Variants in CCDC91 observed in about 807,000 individuals in gnomAD.
CCDC91 encodes the protein coiled-coil domain containing 91, also known as coiled-coil domain-containing protein 91.
In CCDC91, 48 loss-of-function variants were observed where a neutral mutation model predicts 63.2. The observed-to-expected ratio is 0.76, with a 90% CI of 0.60 to 0.97. CCDC91 has a LOEUF of 0.97. CCDC91 is among the 50% of genes least tolerant of loss of function. The pLI, the probability that CCDC91 is intolerant of heterozygous loss-of-function variation, is 0.00. For missense variants in CCDC91, 500 were observed against 494.6 expected (o/e 1.01, Z -0.10); for synonymous variants, 167 against 165.8 (o/e 1.01, Z -0.06).
intron 11 of CCDC91, among the ~76,000 whole-genome samples, chr12:28,458,380 C>A (rs1032166408): frequency 1.4e-5 from 2 of 139,098 alleles, no homozygotes; most frequent in Non-Finnish European, 3.1e-5. Context: ...GTCTGTAATA[C>A]AACATCTGCC....
rs560752227 is a variant in CCDC91 at position 28,503,577 on chromosome 12, A to G, written c.1215+19412A>G. On this transcript the variant is annotated intron_variant, in intron 12 of 12. Coordinates refer to ENST00000536442, the MANE Select transcript of CCDC91 (RefSeq NM_018318.5). ...AATTACCATTTGACCCAGCAATCCCATCACTGGGTATATACCCAAAGGACT... is the reference window on the plus strand; with the variant it reads ...AATTACCATTTGACCCAGCAATCCCGTCACTGGGTATATACCCAAAGGACT... Among the ~76,000 whole-genome samples the G allele has an allele frequency of 1.2e-4, 18 of 152,316 alleles. 1 individual carries two copies. In the South Asian group the frequency reaches 3.1e-3, roughly 26 times the overall value.
At chr12:28,503,978 T>G (rs1368252307) in intron 12 of CCDC91, among the ~76,000 whole-genome samples, 1 of 151,896 alleles carries the variant, frequency 6.6e-6, no homozygotes, top group Admixed American at 6.6e-5. Context: ...GAGATATACC[T>G]AATGCTAAAT....
At chr12:28,398,586 G>A (rs1233729117) in intron 8 of CCDC91, among the ~76,000 whole-genome samples, 3 of 152,028 alleles carry the variant, frequency 2.0e-5, no homozygotes, top group Non-Finnish European at 4.4e-5. Flanking sequence ...AAAACCAACT[G>A]CCAAAATTTT....
intron 8 of CCDC91, among the ~76,000 whole-genome samples, chr12:28,416,040 C>A (rs761504468): frequency 6.6e-6 from 1 of 151,466 alleles, no homozygotes; most frequent in Non-Finnish European, 1.5e-5. Flanking sequence ...TGGCTCTTAG[C>A]GTTTTTTGTT....
intron 3 of CCDC91, among the ~76,000 whole-genome samples, chr12:28,286,485 T>G (rs1336038714): frequency 6.6e-6 from 1 of 152,180 alleles, no homozygotes; most frequent in Non-Finnish European, 1.5e-5. Context: ...TGTATTAGTT[T>G]GCTAAGGGTA....
chr12:28,443,507 T>C (rs9669509), intron 8 of CCDC91, among the ~76,000 whole-genome samples: 33,050 of 152,000 alleles, frequency 0.22, 4,327 homozygotes, highest in Non-Finnish European at 0.3. Context: ...TTGTTTATTC[T>C]ATAAATACAC....
intron 1 of CCDC91, among the ~76,000 whole-genome samples, chr12:28,213,055 C>G (rs986741677): frequency 2.6e-5 from 4 of 152,156 alleles, no homozygotes; most frequent in African/African-American, 9.7e-5. Flanking sequence ...CCTGATGAAG[C>G]TGGGGACTTT....
intron 12 of CCDC91, among the ~76,000 whole-genome samples, chr12:28,523,335 T>C (rs564752236): frequency 9.2e-5 from 14 of 152,314 alleles, no homozygotes; most frequent in African/African-American, 2.9e-4. Context: ...GTAATGGCCT[T>C]CTTTGTCTCT....
At position 28,250,154 on chromosome 12, in the gene CCDC91, G is replaced by A. The variant is rs142365924; in HGVS notation, c.-14-7048G>A. Among the ~76,000 whole-genome samples the A allele has an allele frequency of 4.1e-4, 62 of 152,206 alleles. 1 individual carries two copies. Among genetic ancestry groups the A allele is most frequent in the Admixed American group, 3.1e-3 (47 of 15,290 alleles). ...AAAGAGGGTGAGGGTAGATATAAGG[G>A]TTTGGAGAGTAAATGTCTTGTAGTT... On this transcript the variant is annotated intron_variant, in intron 1 of 12. Transcript: ENST00000536442.
At chr12:28,465,279 AAGG>A (rs1950497822) in intron 11 of CCDC91, among the ~76,000 whole-genome samples, 1 of 152,160 alleles carries the variant, frequency 6.6e-6, no homozygotes, top group African/African-American at 2.4e-5. Context: ...CCTGAGGCCT[AAGG>A]GAACTCACTG....
chr12:28,434,705 A>G (rs1379119955), intron 8 of CCDC91, among the ~76,000 whole-genome samples: 5 of 148,996 alleles, frequency 3.4e-5, no homozygotes, highest in Admixed American at 2.0e-4. Flanking sequence ...ATTATATTGA[A>G]TTAGTATAAT....
At chr12:28,480,605 T>C (rs1427282831) in intron 11 of CCDC91, among the ~76,000 whole-genome samples, 1 of 152,058 alleles carries the variant, frequency 6.6e-6, no homozygotes. Context: ...TTTGCACCTC[T>C]AGTTTATCAC....
intron 8 of CCDC91, among the ~76,000 whole-genome samples, chr12:28,437,405 T>G (rs1206051219): frequency 6.6e-6 from 1 of 152,088 alleles, no homozygotes; most frequent in Non-Finnish European, 1.5e-5. Flanking sequence ...TTTATTCCTT[T>G]GTATTACATG....
At chr12:28,294,161 G>A (rs1949409062) in intron 3 of CCDC91, among the ~76,000 whole-genome samples, 1 of 152,176 alleles carries the variant, frequency 6.6e-6, no homozygotes, top group African/African-American at 2.4e-5. Context: ...GACGAAATAA[G>A]TTGACACACA....
chr12:28,194,299 G>T (rs1941548010), intron 1 of CCDC91, among the ~76,000 whole-genome samples: 1 of 152,096 alleles, frequency 6.6e-6, no homozygotes, highest in East Asian at 1.9e-4. Flanking sequence ...CAGTCTTGCA[G>T]CACCATCTCT....
intron 11 of CCDC91, among the ~76,000 whole-genome samples, chr12:28,460,352 C>A (rs1444172614): frequency 6.6e-6 from 1 of 151,906 alleles, no homozygotes; most frequent in African/African-American, 2.4e-5. Flanking sequence ...TCAATTTGTG[C>A]TGAATTTTCT....
intron 1 of CCDC91, among the ~76,000 whole-genome samples, chr12:28,250,766 A>G (rs1230782972): frequency 6.6e-6 from 1 of 152,072 alleles, no homozygotes; most frequent in Non-Finnish European, 1.5e-5. Context: ...GCTCAGTTCA[A>G]TTGCTGGAGG....
chr12:28,509,682 A>G (rs1186889608), intron 12 of CCDC91, among the ~76,000 whole-genome samples: 1 of 151,926 alleles, frequency 6.6e-6, no homozygotes, highest in African/African-American at 2.4e-5. Flanking sequence ...GTATTAAAAG[A>G]TATGTGTGAT....
At chr12:28,374,687 C>T (rs1346163602) in intron 7 of CCDC91, among the ~76,000 whole-genome samples, 1 of 152,042 alleles carries the variant, frequency 6.6e-6, no homozygotes, top group Non-Finnish European at 1.5e-5. Context: ...TATGATAGGA[C>T]TTAAACTTTT....
Sources: gnomAD v4.1 joint callset for allele counts (sites outside exome capture counted in the v4.1 genomes callset) on GRCh38, gnomAD v4.1.1 for gene constraint, MANE v1.5 for transcripts, NCBI Gene and HGNC (gene_info 2026-07-23, HGNC 2026-07-21) for gene names.